The following RYR2 variants were observed in gnomAD, a reference collection of about 807,000 sequenced individuals.
RYR2 encodes the protein cardiac muscle ryanodine receptor-calcium release channel.
A neutral mutation model predicts 601.1 loss-of-function variants in RYR2; 227 were observed. That is an observed-to-expected ratio of 0.38 (90% CI 0.34 to 0.42). The LOEUF is 0.42. Among genes scored for constraint, RYR2 ranks in the 10% least tolerant of loss-of-function variants. The probability of loss-of-function intolerance (pLI) is 1.00; values close to 1 mark genes in which losing one functional copy is unlikely to be tolerated. For missense variants in RYR2, 4,646 were observed against 6,156.5 expected (o/e 0.75, Z 8.21); for synonymous variants, 2,223 against 2,175.1 (o/e 1.02, Z -0.61).
chr1:237,157,008 C>T (rs776228485), intron 1 of RYR2, among the ~76,000 whole-genome samples: 4 of 152,042 alleles, frequency 2.6e-5, no homozygotes, highest in Non-Finnish European at 5.9e-5. Context: ...ATAGAACCAC[C>T]ATACGGGCCG....
At chr1:237,426,958 GT>G (rs1465904800) in intron 12 of RYR2, among the ~76,000 whole-genome samples, 1 of 152,154 alleles carries the variant, frequency 6.6e-6, no homozygotes, top group Non-Finnish European at 1.5e-5. Flanking sequence ...AGAGTGAAAG[GT>G]ACGGTAGGTG....
At chr1:237,506,615 C>A in intron 22 of RYR2, 95 bp from the exon 23 acceptor site, 1 of 716,346 alleles carries the variant, frequency 1.4e-6, no homozygotes, top group Non-Finnish European at 2.3e-6. Flanking sequence ...GTTTATGAGG[C>A]AGTTTTATTT....
chr1:237,761,358 C>T (rs1288157953), intron 84 of RYR2, among the ~76,000 whole-genome samples: 2 of 152,154 alleles, frequency 1.3e-5, no homozygotes, highest in African/African-American at 2.4e-5. Context: ...ATGAACCTTT[C>T]AAGAACATTT....
At position 237,330,880 on chromosome 1, in the gene RYR2, T is replaced by C. The variant is rs1355336223; in HGVS notation, c.171T>C (p.Asn57=). 7 of 1,613,446 alleles carry C rather than the reference T, an allele frequency of 4.3e-6. No individual in the cohort carries two copies. The highest frequency in any genetic ancestry group is 1.1e-5 in the South Asian group (1 of 91,086). The stretch of plus-strand genomic sequence containing the variant: ...CTGCTCTTCCTCTTTCTGTGCAGAA[T>C]GTGCCCCCAGACCTCTCCATCTGCA... ...CFLESTSNSK[N]VPPDLSICTF... Residue 57 remains asparagine, a splice_region_variant and synonymous_variant, in exon 3 of 105, where the codon AAT becomes AAC. Coordinates refer to ENST00000366574, the MANE Select transcript of RYR2 (RefSeq NM_001035.3).
In RYR2 at chr1:237,614,793, C is replaced by T; in HGVS notation, c.5665C>T (p.Pro1889Ser). 1 of 1,605,944 alleles carries T rather than the reference C, an allele frequency of 6.2e-7. No individual in the cohort carries two copies. The highest frequency in any genetic ancestry group is 8.5e-7 in the Non-Finnish European group (1 of 1,174,804). Residue 1889 changes from proline (P) to serine (S), a missense_variant, in exon 37 of 105, where the codon CCC becomes TCC. Transcript: ENST00000366574. The surrounding 1 kb of genome is among the most constrained non-coding windows in gnomAD (Gnocchi z 4.3). Reference sequence around the variant, plus strand: ...GGAAGAAGCCAAGGGGGGCAAGCGGCCCAAGGAAGGCCTGCTCCAAATGAA... The same window carrying T: ...GGAAGAAGCCAAGGGGGGCAAGCGGTCCAAGGAAGGCCTGCTCCAAATGAA... ...GEEEAKGGKR[P>S]KEGLLQMKLP...
intron 37 of RYR2, among the ~76,000 whole-genome samples, chr1:237,615,662 T>C (rs982394118): frequency 6.6e-6 from 1 of 152,192 alleles, no homozygotes; most frequent in African/African-American, 2.4e-5. Flanking sequence ...ACTGAAGCCT[T>C]ACTCTGGGTA....
chr1:237,641,481 C>CTTTCTTTCTTTCTTTCTT (rs773507922), intron 47 of RYR2, among the ~76,000 whole-genome samples: 4,454 of 41,494 alleles, frequency 0.11, 116 homozygotes, highest in Non-Finnish European at 0.19. Flanking sequence ...GTCTTTCTTT[C>CTTTCTTTCTTTCTTTCTT]TTTCTTTCTT....
chr1:237,231,997 G>A (rs1463667480), intron 1 of RYR2, among the ~76,000 whole-genome samples: 2 of 152,112 alleles, frequency 1.3e-5, no homozygotes, highest in South Asian at 2.1e-4. Context: ...ATTCTTTAGC[G>A]TTTTTCTAGT....
intron 1 of RYR2, among the ~76,000 whole-genome samples, chr1:237,223,101 C>T (rs1362794170): frequency 6.6e-6 from 1 of 152,136 alleles, no homozygotes; most frequent in Non-Finnish European, 1.5e-5. Context: ...AAAACAACCG[C>T]TGTATTGTTC....
Position 237,469,172 on chromosome 1 carries a change from C to G in RYR2, c.1693C>G (p.Leu565Val), listed in dbSNP as rs527658111. ...LDWLISRLER[L>V]EASSGILEVL... ...CTGGTTGATCAGCAGATTGGAAAGA[C>G]TGGAAGCTTCTTCAGGTATGTTTTC... is the stretch of plus-strand genomic sequence containing the variant. The change falls in exon 17 of 105, where the codon CTG becomes GTG. Residue 565 changes from leucine (L) to valine (V), a missense_variant. Around this residue, in one of 17 missense-constraint regions of RYR2, gnomAD observed 1,807 missense variants for 2,088.1 expected, o/e 0.87. Coordinates refer to ENST00000366574, the MANE Select transcript of RYR2 (RefSeq NM_001035.3). 6.3e-7 allele frequency: 1 copy of G among 1,595,008 alleles called. No homozygotes were observed. Among genetic ancestry groups the G allele is most frequent in the Non-Finnish European group, 8.5e-7 (1 of 1,171,040 alleles).
At chr1:237,658,890 A>C (rs1229929117) in intron 54 of RYR2, among the ~76,000 whole-genome samples, 5 of 152,228 alleles carry the variant, frequency 3.3e-5, no homozygotes, top group African/African-American at 1.2e-4. Flanking sequence ...AAATGAGAAA[A>C]CTAAAGTAGC....
chr1:237,466,339 T>A (rs1572451100), intron 16 of RYR2, among the ~76,000 whole-genome samples: 1 of 152,034 alleles, frequency 6.6e-6, no homozygotes, highest in Non-Finnish European at 1.5e-5. Context: ...AAAAATTTTT[T>A]AAAAATTTTG....
intron 1 of RYR2, among the ~76,000 whole-genome samples, chr1:237,060,685 T>C (rs2148234056): frequency 6.6e-6 from 1 of 152,340 alleles, no homozygotes; most frequent in South Asian, 2.1e-4. Context: ...CACTCTTTTG[T>C]GTCTAGTTTC....
intron 1 of RYR2, among the ~76,000 whole-genome samples, chr1:237,268,935 C>CAAAAAA (rs1160004017): frequency 0.015 from 237 of 15,792 alleles, 6 homozygotes; most frequent in Non-Finnish European, 0.023. Flanking sequence ...ACTCTTGTCT[C>CAAAAAA]AAAAAAAAAA....
At chr1:237,364,478 A>C in intron 5 of RYR2, 106 bp downstream of exon 5, 1 of 499,220 alleles carries the variant, frequency 2.0e-6, no homozygotes, top group Non-Finnish European at 3.4e-6. Context: ...TATTATATAT[A>C]TGACAGATAT....
At chr1:237,062,271 T>G (rs1662976127) in intron 1 of RYR2, among the ~76,000 whole-genome samples, 1 of 152,218 alleles carries the variant, frequency 6.6e-6, no homozygotes, top group African/African-American at 2.4e-5. Context: ...CTCCACAAGA[T>G]GAGCTGCTGG....
chr1:237,052,234 G>A lies in RYR2; in HGVS notation c.48+9665G>A, dbSNP rs1005531726. Among the ~76,000 whole-genome samples the A allele has an allele frequency of 4.6e-5, 7 of 152,140 alleles. 1 individual carries two copies. Among genetic ancestry groups the A allele is most frequent in the Non-Finnish European group, 7.3e-5 (5 of 68,030 alleles). ...ATGCTCAAACAGTGAAACCTTATAT[G>A]CATCAACCTGGGAACAGTAAGCTTA... On this transcript the variant is annotated intron_variant, in intron 1 of 104. Transcript: ENST00000366574.
At chr1:237,169,346 T>C (rs1467646080) in intron 1 of RYR2, among the ~76,000 whole-genome samples, 3 of 151,828 alleles carry the variant, frequency 2.0e-5, no homozygotes, top group Non-Finnish European at 4.4e-5. Context: ...GTCGCCAGGC[T>C]GGAGTGCAGT....
intron 20 of RYR2, among the ~76,000 whole-genome samples, chr1:237,500,317 C>T (rs895723889): frequency 3.9e-5 from 6 of 152,130 alleles, no homozygotes; most frequent in African/African-American, 9.6e-5. Flanking sequence ...ATAAGACATC[C>T]AAATTAAGAG....
Sources: allele counts gnomAD v4.1 joint callset (sites outside exome capture counted in the v4.1 genomes callset), GRCh38; gene constraint gnomAD v4.1.1; regional missense constraint gnomAD v4.1.1; non-coding constraint Gnocchi (gnomAD v3.1); transcripts MANE v1.5; gene names NCBI Gene and HGNC (gene_info 2026-07-23, HGNC 2026-07-21).